Variants in LYPD6B observed in about 807,000 individuals in gnomAD.
The protein encoded by LYPD6B is ly6/PLAUR domain-containing protein 6B.
Under a neutral mutation model 22.8 loss-of-function variants are expected in LYPD6B, and 17 were observed. That is an observed-to-expected ratio of 0.75 (90% CI 0.51 to 1.12). The LOEUF (loss-of-function observed/expected upper bound fraction) is 1.12. LYPD6B is among the 50% of genes most tolerant of loss of function. The pLI is 0.00. For missense variants in LYPD6B, 221 were observed against 258.3 expected (o/e 0.86, Z 0.99); for synonymous variants, 106 against 91.6 (o/e 1.16, Z -0.90).
intron 3 of LYPD6B, among the ~76,000 whole-genome samples, chr2:149,166,713 G>A (rs945833386): frequency 8.5e-5 from 13 of 152,232 alleles, no homozygotes; most frequent in African/African-American, 2.9e-4. Flanking sequence ...TTGCTACCGA[G>A]AGTGTTTGCT....
At chr2:149,187,411 A>G in intron 3 of LYPD6B, 1 of 1,520,218 alleles carries the variant, frequency 6.6e-7, no homozygotes, top group Non-Finnish European at 8.8e-7. Context: ...TTGTTATAAG[A>G]TTATTATTTT....
Position 149,214,467 on chromosome 2 carries a change from CTTTGT to C in LYPD6B, c.460-75_460-71del, listed in dbSNP as rs1206937018. ...TGTCTTCAGATAGAGCTCAAGAAGCCTTTGTTTTATCTTTCTTTCTTTTGCCCCTT... is the reference window on the plus strand; with the variant it reads ...TGTCTTCAGATAGAGCTCAAGAAGCCTTTATCTTTCTTTCTTTTGCCCCTT... On this transcript the variant is annotated intron_variant, in intron 6 of 6. Transcript: ENST00000409642. 3.4e-6 allele frequency: 5 copies of C among 1,477,066 alleles called. No homozygotes were observed. In the African/African-American group the frequency reaches 5.5e-5, roughly 16 times the overall value. The allele number at this position is 1,477,066 out of a possible 1,614,324, so 91.5% of individuals were successfully genotyped here. A position where few individuals can be genotyped will look rare whatever the true frequency, so the allele number is the denominator to read the frequency against.
chr2:149,184,246 A>G (rs1278588219), intron 3 of LYPD6B, among the ~76,000 whole-genome samples: 3 of 152,216 alleles, frequency 2.0e-5, no homozygotes. Flanking sequence ...TCCACAGGTA[A>G]ATTTGGATTG....
chr2:149,188,967 AG>A (rs1212229874), intron 3 of LYPD6B, among the ~76,000 whole-genome samples: 1 of 152,184 alleles, frequency 6.6e-6, no homozygotes, highest in Non-Finnish European at 1.5e-5. Flanking sequence ...TCTACATGTA[AG>A]GAAACTGAAA....
At chr2:149,149,851 C>T (rs1361712621) in intron 2 of LYPD6B, among the ~76,000 whole-genome samples, 1 of 152,194 alleles carries the variant, frequency 6.6e-6, no homozygotes, top group Non-Finnish European at 1.5e-5. Flanking sequence ...CCTTATGATC[C>T]ACATCCTTTA....
intron 1 of LYPD6B, among the ~76,000 whole-genome samples, chr2:149,114,179 G>GA (rs959062144): frequency 2.0e-5 from 3 of 151,542 alleles, no homozygotes; most frequent in African/African-American, 7.3e-5. Context: ...TTTAAGAATT[G>GA]AAAAAAAATA....
rs144117779 is a variant in LYPD6B, at chr2:149,097,937, T to C, written c.-66-32946T>C. Among the ~76,000 whole-genome samples the C allele has an allele frequency of 1.1e-4, 17 of 152,322 alleles. No individual in the cohort carries two copies. The East Asian group carries it at 3.1e-3, about 28-fold the overall frequency. ...TTTAATGCATAGACATATAGTGTATTTAGTGAGGAAATAGAAGGTAATATA... is the reference window on the plus strand; with the variant it reads ...TTTAATGCATAGACATATAGTGTATCTAGTGAGGAAATAGAAGGTAATATA... On this transcript the variant is annotated intron_variant, in intron 1 of 6. Transcript: ENST00000409642.
intron 3 of LYPD6B, among the ~76,000 whole-genome samples, chr2:149,172,858 A>G (rs1690939758): frequency 6.6e-6 from 1 of 151,998 alleles, no homozygotes; most frequent in Non-Finnish European, 1.5e-5. Flanking sequence ...TCAGGCCTTC[A>G]GACTCTGACT....
chr2:149,205,367 G>T lies in LYPD6B; in HGVS notation c.192G>T (p.Lys64Asn). 1 of 1,614,004 alleles carries T rather than the reference G, an allele frequency of 6.2e-7. No homozygotes were observed. The highest frequency in any genetic ancestry group is 1.1e-5 in the South Asian group (1 of 91,084). ...TCTCAGAAAGCTGGGCATTTGCCAA[G>T]AACATCAACTTCTATAATGTGAGGC... is the stretch of plus-strand genomic sequence containing the variant. Reference protein sequence around the residue: ...VIFSESWAFAKNINFYNVRPP... With the variant: ...VIFSESWAFANNINFYNVRPP... The change falls in exon 4 of 7, where the codon AAG becomes AAT. Residue 64 changes from lysine (K) to asparagine (N), a missense_variant. Transcript: ENST00000409642.
At chr2:149,060,036 G>C (rs947212118) in intron 1 of LYPD6B, among the ~76,000 whole-genome samples, 2 of 152,114 alleles carry the variant, frequency 1.3e-5, no homozygotes, top group African/African-American at 2.4e-5. Flanking sequence ...AGGAGGAGGA[G>C]GAGGGGGCAG....
intron 1 of LYPD6B, among the ~76,000 whole-genome samples, chr2:149,100,218 C>A (rs1686125890): frequency 6.6e-6 from 1 of 151,772 alleles, no homozygotes; most frequent in Admixed American, 6.6e-5. Flanking sequence ...CAGGTGTAAC[C>A]CCAGAATCCT....
chr2:149,092,191 G>C (rs1685685324), intron 1 of LYPD6B, among the ~76,000 whole-genome samples: 1 of 151,936 alleles, frequency 6.6e-6, no homozygotes, highest in African/African-American at 2.4e-5. Flanking sequence ...TTGTGGTGAT[G>C]GGGGGGGAAT....
intron 1 of LYPD6B, among the ~76,000 whole-genome samples, chr2:149,110,194 G>A (rs913557971): frequency 2.6e-5 from 4 of 151,978 alleles, no homozygotes; most frequent in Admixed American, 2.0e-4. Flanking sequence ...TTGATTTGGG[G>A]CTGTACTTTT....
intron 1 of LYPD6B, among the ~76,000 whole-genome samples, chr2:149,100,534 T>C (rs966536160): frequency 6.6e-6 from 1 of 151,786 alleles, no homozygotes; most frequent in Non-Finnish European, 1.5e-5. Context: ...TTTTATCCTC[T>C]GGATCCCCTT....
At chr2:149,082,734 G>A (rs1220541443) in intron 1 of LYPD6B, among the ~76,000 whole-genome samples, 1 of 152,210 alleles carries the variant, frequency 6.6e-6, no homozygotes, top group Non-Finnish European at 1.5e-5. Context: ...GGTTGGCACT[G>A]TTATTATTTG....
intron 1 of LYPD6B, among the ~76,000 whole-genome samples, chr2:149,128,145 T>C (rs1687814123): frequency 1.3e-5 from 2 of 152,236 alleles, no homozygotes; most frequent in Admixed American, 1.3e-4. Context: ...TTTTTTCTTC[T>C]TGGAAATGAT....
At chr2:149,069,502 C>T (rs1344323295) in intron 1 of LYPD6B, among the ~76,000 whole-genome samples, 1 of 152,140 alleles carries the variant, frequency 6.6e-6, no homozygotes, top group East Asian at 1.9e-4. Flanking sequence ...TAAGGTACCA[C>T]CCCAAACCCT....
intron 1 of LYPD6B, among the ~76,000 whole-genome samples, chr2:149,050,098 C>T (rs895800687): frequency 5.3e-5 from 8 of 152,078 alleles, no homozygotes; most frequent in Non-Finnish European, 4.4e-5. Context: ...CTCTGACAAG[C>T]GTAGTTTGTA....
At chr2:149,125,481 C>CT (rs1687647283) in intron 1 of LYPD6B, among the ~76,000 whole-genome samples, 1 of 152,158 alleles carries the variant, frequency 6.6e-6, no homozygotes, top group Non-Finnish European at 1.5e-5. Flanking sequence ...AAGTCAACCT[C>CT]TCCCCCATCA....
Sources: gnomAD v4.1 joint callset for allele counts (sites outside exome capture counted in the v4.1 genomes callset) on GRCh38, gnomAD v4.1.1 for gene constraint, MANE v1.5 for transcripts, NCBI Gene and HGNC (gene_info 2026-07-23, HGNC 2026-07-21) for gene names.